Variants in CADM2 observed in about 807,000 individuals in gnomAD.
CADM2 encodes immunoglobulin superfamily member 4D.
Under a neutral mutation model 49.8 loss-of-function variants are expected in CADM2, and 12 were observed. The observed-to-expected ratio is 0.24, with a 90% CI of 0.15 to 0.39. CADM2 has a LOEUF of 0.39. Among genes scored for constraint, CADM2 ranks in the 10% least tolerant of loss-of-function variants. CADM2 has a pLI of 1.00. For synonymous variants in CADM2, 214 were observed against 175.4 expected (o/e 1.22, Z -1.74); for missense variants, 378 against 492.3 (o/e 0.77, Z 2.20).
At chr3:85,895,134 C>T (rs537664894) in intron 5 of CADM2, among the ~76,000 whole-genome samples, 9 of 152,318 alleles carry the variant, frequency 5.9e-5, no homozygotes, top group South Asian at 2.1e-4. Flanking sequence ...CAGACACTCA[C>T]GCCTGCTATG....
chr3:85,166,631 T>C (rs940338573), intron 1 of CADM2, among the ~76,000 whole-genome samples: 9 of 152,108 alleles, frequency 5.9e-5, no homozygotes, highest in African/African-American at 1.9e-4. Flanking sequence ...GGAGAAAGTA[T>C]TAAAAGACTA....
chr3:85,119,114 G>T (rs1386641250), intron 1 of CADM2, among the ~76,000 whole-genome samples: 1 of 152,056 alleles, frequency 6.6e-6, no homozygotes, highest in Non-Finnish European at 1.5e-5. Context: ...CAATGTTCTA[G>T]TTAAGAATGT....
chr3:85,927,842 AT>A (rs62793561), intron 6 of CADM2, among the ~76,000 whole-genome samples: 3 of 152,054 alleles, frequency 2.0e-5, no homozygotes, highest in South Asian at 4.2e-4. Flanking sequence ...TTTTTATTTT[AT>A]TTTTTTCCTG....
At chr3:86,009,823 T>A (rs1731272452) in intron 8 of CADM2, among the ~76,000 whole-genome samples, 1 of 151,896 alleles carries the variant, frequency 6.6e-6, no homozygotes, top group Admixed American at 6.6e-5. Context: ...AAATTGTGTA[T>A]ATACAACATG....
In CADM2 at chr3:85,689,118, C is replaced by T. The variant is rs564715505; in HGVS notation, c.62-37404C>T. 3.3e-5 allele frequency among the ~76,000 whole-genome samples: 5 copies of T among 152,168 alleles called. No homozygotes were observed. The South Asian group carries it at 6.2e-4, about 19-fold the overall frequency. Reference sequence around the variant, plus strand: ...AGAAAACTATCAATAGATGCAAAAACATGGATGAATCTGAAAATTGATTTG... The same window carrying T: ...AGAAAACTATCAATAGATGCAAAAATATGGATGAATCTGAAAATTGATTTG... On this transcript the variant is annotated intron_variant, in intron 1 of 9. Coordinates refer to ENST00000383699, the MANE Select transcript of CADM2 (RefSeq NM_001167675.2).
At chr3:85,965,904 A>T (rs1651983012) in intron 8 of CADM2, among the ~76,000 whole-genome samples, 2 of 151,670 alleles carry the variant, frequency 1.3e-5, no homozygotes, top group South Asian at 2.1e-4. Context: ...TTAAAAATAC[A>T]CTCATAAAAG....
chr3:85,276,771 A>G (rs972512400), intron 1 of CADM2, among the ~76,000 whole-genome samples: 3 of 151,312 alleles, frequency 2.0e-5, no homozygotes, highest in Non-Finnish European at 3.0e-5. Context: ...CATTAATTAC[A>G]CAGAAGAATG....
intron 1 of CADM2, among the ~76,000 whole-genome samples, chr3:85,281,798 T>C (rs2043506002): frequency 6.6e-6 from 1 of 152,088 alleles, no homozygotes; most frequent in Non-Finnish European, 1.5e-5. Flanking sequence ...AAGCTTTCTC[T>C]CATTATGCAA....
chr3:85,856,744 G>T (rs2075332290), intron 3 of CADM2, among the ~76,000 whole-genome samples: 1 of 152,058 alleles, frequency 6.6e-6, no homozygotes, highest in African/African-American at 2.4e-5. Flanking sequence ...ACAAAATGAA[G>T]AATTATCCCA....
At chr3:85,330,865 G>A (rs527267698) in intron 1 of CADM2, among the ~76,000 whole-genome samples, 50 of 152,030 alleles carry the variant, frequency 3.3e-4, no homozygotes, top group Middle Eastern at 3.4e-3. Context: ...AGGAGGCTGA[G>A]GTGGGAAGAT....
At chr3:85,091,406 T>G (rs1013182697) in intron 1 of CADM2, among the ~76,000 whole-genome samples, 4 of 152,172 alleles carry the variant, frequency 2.6e-5, no homozygotes, top group African/African-American at 9.7e-5. Context: ...TTACTATATA[T>G]TAAACATACG....
chr3:85,545,019 C>T (rs7628948), intron 1 of CADM2, among the ~76,000 whole-genome samples: 25,627 of 152,064 alleles, frequency 0.17, 2,673 homozygotes, highest in Non-Finnish European at 0.23. Flanking sequence ...AACCTATACA[C>T]TGGCTCTGTC....
chr3:85,767,126 T>C (rs533031816), intron 2 of CADM2, among the ~76,000 whole-genome samples: 1 of 152,316 alleles, frequency 6.6e-6, no homozygotes, highest in Non-Finnish European at 1.5e-5. Flanking sequence ...TAACAAAGTA[T>C]GTACCATAAA....
chr3:85,881,905 G>A (rs1712842722), intron 3 of CADM2, among the ~76,000 whole-genome samples: 1 of 152,082 alleles, frequency 6.6e-6, no homozygotes, highest in Admixed American at 6.6e-5. Flanking sequence ...ACGCAACCTA[G>A]ATGCCTCATA....
At chr3:84,983,495 A>G (rs1051377848) in intron 1 of CADM2, among the ~76,000 whole-genome samples, 4 of 152,144 alleles carry the variant, frequency 2.6e-5, no homozygotes, top group African/African-American at 9.7e-5. Context: ...ATACCTTTTA[A>G]GAGAGTGCTG....
chr3:85,707,766 A>G (rs952049135), intron 1 of CADM2, among the ~76,000 whole-genome samples: 7 of 152,180 alleles, frequency 4.6e-5, no homozygotes, highest in African/African-American at 1.4e-4. Context: ...CTTTTTAAGT[A>G]TAAGATTTCC....
chr3:85,344,087 T>C (rs78145891), intron 1 of CADM2, among the ~76,000 whole-genome samples: 4,862 of 152,052 alleles, frequency 0.032, 281 homozygotes, highest in African/African-American at 0.11. Flanking sequence ...AATTAAGCGT[T>C]AAAATAATTG....
At chr3:85,953,880 TA>T (rs1327981597) in intron 7 of CADM2, among the ~76,000 whole-genome samples, 2 of 150,938 alleles carry the variant, frequency 1.3e-5, no homozygotes, top group Admixed American at 1.3e-4. Flanking sequence ...GATATAAGTG[TA>T]GAATAGGACA....
chr3:85,693,305 G>A (rs970093837), intron 1 of CADM2, among the ~76,000 whole-genome samples: 37 of 152,034 alleles, frequency 2.4e-4, no homozygotes, highest in Non-Finnish European at 5.3e-4. Flanking sequence ...AAGAGGCCTG[G>A]CGTGGTGGCT....
Sources: allele counts gnomAD v4.1 joint callset (sites outside exome capture counted in the v4.1 genomes callset), GRCh38; gene constraint gnomAD v4.1.1; transcripts MANE v1.5; gene names NCBI Gene and HGNC (gene_info 2026-07-23, HGNC 2026-07-21).